Variants in TPH2 observed in about 807,000 individuals in gnomAD.
TPH2 encodes tryptophan 5-hydroxylase 2.
In TPH2, 27 loss-of-function variants were observed where a neutral mutation model predicts 59.1. The observed-to-expected ratio is 0.46, with a 90% CI of 0.34 to 0.63. The LOEUF (loss-of-function observed/expected upper bound fraction) is 0.63, where lower values mean the gene tolerates loss of function less well. Among genes scored for constraint, TPH2 ranks in the 30% least tolerant of loss-of-function variants. The probability of loss-of-function intolerance (pLI) is 0.01; values close to 1 mark genes in which losing one functional copy is unlikely to be tolerated. For synonymous variants in TPH2, 220 were observed against 210.5 expected (o/e 1.05, Z -0.39); for missense variants, 523 against 588.3 (o/e 0.89, Z 1.15).
chr12:71,988,502 G>A (rs1242171632), intron 7 of TPH2, among the ~76,000 whole-genome samples: 1 of 152,194 alleles, frequency 6.6e-6, no homozygotes, highest in Non-Finnish European at 1.5e-5. Context: ...GAATGAGAGA[G>A]AGAGTTGGAG....
chr12:71,951,724 G>GTA (rs1315967296), intron 5 of TPH2, among the ~76,000 whole-genome samples: 1 of 151,702 alleles, frequency 6.6e-6, no homozygotes, highest in African/African-American at 2.4e-5. Context: ...GTGTGTGTGT[G>GTA]TATAAAATGA....
chr12:71,939,844 C>A (rs1871007573), intron 1 of TPH2, among the ~76,000 whole-genome samples: 1 of 152,120 alleles, frequency 6.6e-6, no homozygotes, highest in Non-Finnish European at 1.5e-5. Context: ...AGGTCCTAGT[C>A]ATTAAAAATA....
At chr12:71,969,357 G>A (rs1871910092) in intron 5 of TPH2, among the ~76,000 whole-genome samples, 1 of 152,068 alleles carries the variant, frequency 6.6e-6, no homozygotes, top group African/African-American at 2.4e-5. Context: ...CACCCCTCTG[G>A]CTCCCTTCTC....
At chr12:72,024,420 A>G (rs1873512080) in intron 9 of TPH2, among the ~76,000 whole-genome samples, 2 of 152,214 alleles carry the variant, frequency 1.3e-5, no homozygotes, top group Non-Finnish European at 2.9e-5. Flanking sequence ...AAAACTGATG[A>G]CCTGATGTAG....
rs114680406 is a variant in TPH2, at chr12:71,951,224, G to C, written c.608+1569G>C. ...AATTGCCAAGAGAGGACTCGGATGG[G>C]CTGAGCTCACATTTTCACCTCAGGC... On this transcript the variant is annotated intron_variant, in intron 5 of 10. Coordinates refer to ENST00000333850, the MANE Select transcript of TPH2 (RefSeq NM_173353.4). Among the ~76,000 whole-genome samples the C allele has an allele frequency of 2.6e-3, 389 of 152,252 alleles. 2 individuals carry two copies. The highest frequency in any genetic ancestry group is 8.9e-3 in the African/African-American group (370 of 41,562).
At chr12:72,024,638 G>A (rs550467141) in intron 9 of TPH2, among the ~76,000 whole-genome samples, 13 of 152,130 alleles carry the variant, frequency 8.5e-5, no homozygotes, top group African/African-American at 1.9e-4. Flanking sequence ...CTCCTCAGAC[G>A]GTTTATAAGT....
At chr12:72,015,287 G>A (rs1014002046) in intron 8 of TPH2, among the ~76,000 whole-genome samples, 1 of 149,494 alleles carries the variant, frequency 6.7e-6, no homozygotes, top group African/African-American at 2.5e-5. Context: ...GAGCCACAGA[G>A]CCCTTTTATG....
intron 7 of TPH2, among the ~76,000 whole-genome samples, chr12:71,982,396 T>A (rs1256025760): frequency 6.6e-6 from 1 of 152,194 alleles, no homozygotes; most frequent in Non-Finnish European, 1.5e-5. Flanking sequence ...TTTCTTTCCA[T>A]CCTCTGCCCC....
At chr12:71,943,818 T>C (rs1455915537) in intron 2 of TPH2, among the ~76,000 whole-genome samples, 4 of 151,908 alleles carry the variant, frequency 2.6e-5, no homozygotes, top group African/African-American at 9.7e-5. Context: ...TGTCTACTTA[T>C]AAAAAAATTA....
In TPH2 at chr12:71,941,718, AC is replaced by A. The variant is rs762686581; in HGVS notation, c.241del (p.Leu81Ter). 6.2e-7 allele frequency: 1 copy of A among 1,614,054 alleles called. No individual in the cohort carries two copies. ...KNEVGGLVKA[L>X]RLFQEKRVNM... ...ATGAAGTTGGTGGATTGGTAAAAGCACTGAGGCTCTTTCAGGTGAATGTGAA... is the reference window on the plus strand; with the variant it reads ...ATGAAGTTGGTGGATTGGTAAAAGCATGAGGCTCTTTCAGGTGAATGTGAA... On this transcript the variant is annotated frameshift_variant, in exon 2 of 11. Coordinates refer to ENST00000333850, the MANE Select transcript of TPH2 (RefSeq NM_173353.4). LOFTEE classifies it high-confidence loss of function.
At chr12:71,973,405 A>G (rs1302314512) in intron 6 of TPH2, among the ~76,000 whole-genome samples, 1 of 152,212 alleles carries the variant, frequency 6.6e-6, no homozygotes, top group African/African-American at 2.4e-5. Flanking sequence ...TACACTAATC[A>G]TAAGGCATTG....
intron 5 of TPH2, among the ~76,000 whole-genome samples, chr12:71,959,258 G>A (rs1000374745): frequency 2.6e-5 from 4 of 152,268 alleles, no homozygotes; most frequent in African/African-American, 7.2e-5. Flanking sequence ...TTCTTAGGAG[G>A]TCTTCTCAGT....
At chr12:71,985,580 G>A (rs1336536987) in intron 7 of TPH2, among the ~76,000 whole-genome samples, 1 of 152,026 alleles carries the variant, frequency 6.6e-6, no homozygotes, top group Non-Finnish European at 1.5e-5. Flanking sequence ...TGTATTTTTA[G>A]TATAGACAAG....
chr12:72,002,004 A>G (rs1315589136), intron 8 of TPH2, among the ~76,000 whole-genome samples: 10 of 152,206 alleles, frequency 6.6e-5, no homozygotes, highest in Non-Finnish European at 1.5e-4. Flanking sequence ...AAGGGTGACT[A>G]TAGTCAATAA....
chr12:71,996,886 A>G (rs150084219), intron 8 of TPH2, among the ~76,000 whole-genome samples: 5 of 152,328 alleles, frequency 3.3e-5, no homozygotes, highest in African/African-American at 1.2e-4. Context: ...ATTTATAAGG[A>G]ATGTGACAAT....
At chr12:71,972,843 G>T in intron 6 of TPH2, 128 bp downstream of exon 6, 1 of 1,017,008 alleles carries the variant, frequency 9.8e-7, no homozygotes, top group South Asian at 1.5e-5. Context: ...TTGGCTTTGA[G>T]CCAACAATTA....
At chr12:72,012,513 T>C (rs956499028) in intron 8 of TPH2, among the ~76,000 whole-genome samples, 2 of 152,136 alleles carry the variant, frequency 1.3e-5, no homozygotes, top group East Asian at 1.9e-4. Flanking sequence ...GGTGGAGCAA[T>C]GAAGGTTGAG....
At chr12:71,968,534 G>A (rs1208392883) in intron 5 of TPH2, among the ~76,000 whole-genome samples, 1 of 152,262 alleles carries the variant, frequency 6.6e-6, no homozygotes, top group Non-Finnish European at 1.5e-5. Context: ...AGGGACTGTC[G>A]GTCCCCTGCT....
chr12:72,029,549 T>C (rs529550202), intron 9 of TPH2, among the ~76,000 whole-genome samples: 3 of 152,302 alleles, frequency 2.0e-5, no homozygotes, highest in African/African-American at 7.2e-5. Context: ...GTTTCTAAAA[T>C]TGTGGACAGA....
Sources: gnomAD v4.1 joint callset for allele counts (sites outside exome capture counted in the v4.1 genomes callset) on GRCh38, gnomAD v4.1.1 for gene constraint, MANE v1.5 for transcripts, NCBI Gene and HGNC (gene_info 2026-07-23, HGNC 2026-07-21) for gene names.